SNTG1: variants seen among roughly 807,000 people sequenced by gnomAD.
SNTG1 encodes the protein syntrophin gamma 1.
In SNTG1, 39 loss-of-function variants were observed where a neutral mutation model predicts 74.7. The observed-to-expected ratio is 0.52, with a 90% CI of 0.40 to 0.68. The LOEUF is 0.68. Ranked by LOEUF, SNTG1 falls within the 30% of genes least tolerant of loss-of-function variation. The pLI, the probability that SNTG1 is intolerant of heterozygous loss-of-function variation, is 0.00. For missense variants in SNTG1, 685 were observed against 609.5 expected (o/e 1.12, Z -1.30); for synonymous variants, 254 against 217.1 (o/e 1.17, Z -1.49).
At chr8:50,100,724 CTA>C (rs1378291798) in intron 1 of SNTG1, among the ~76,000 whole-genome samples, 6 of 152,016 alleles carry the variant, frequency 3.9e-5, no homozygotes, top group African/African-American at 9.7e-5. Context: ...TATGCATTTT[CTA>C]TGTCATATTT....
chr8:50,633,802 C>T (rs2095020563), intron 13 of SNTG1, among the ~76,000 whole-genome samples: 1 of 152,102 alleles, frequency 6.6e-6, no homozygotes, highest in Admixed American at 6.6e-5. Context: ...AGTATTTAAT[C>T]AATGGGATTT....
At chr8:50,373,133 C>A (rs2092306236) in intron 2 of SNTG1, among the ~76,000 whole-genome samples, 2 of 152,174 alleles carry the variant, frequency 1.3e-5, no homozygotes, top group African/African-American at 4.8e-5. Context: ...GTGTTAATTA[C>A]AAATCATTCC....
At chr8:50,447,067 C>A (rs2093414516) in intron 5 of SNTG1, among the ~76,000 whole-genome samples, 1 of 151,960 alleles carries the variant, frequency 6.6e-6, no homozygotes, top group East Asian at 1.9e-4. Flanking sequence ...TTGTACTGTA[C>A]CCTGGATAAC....
At chr8:49,910,165 A>G (rs1805509875), upstream of SNTG1, among the ~76,000 whole-genome samples, 1 of 152,172 alleles carries the variant, frequency 6.6e-6, no homozygotes, top group Non-Finnish European at 1.5e-5. Context: ...CACAACGTCT[A>G]GGACTTCCCT....
intron 4 of SNTG1, among the ~76,000 whole-genome samples, chr8:50,402,695 G>A (rs181949252): frequency 6.6e-6 from 1 of 152,256 alleles, no homozygotes; most frequent in Admixed American, 6.5e-5. Flanking sequence ...TTCATGACCT[G>A]GGACTACTGA....
At chr8:50,780,930 C>T (rs993634356) in intron 18 of SNTG1, among the ~76,000 whole-genome samples, 1 of 152,142 alleles carries the variant, frequency 6.6e-6, no homozygotes, top group African/African-American at 2.4e-5. Context: ...TTTCAAAGAA[C>T]ATCTTTATTT....
chr8:50,118,342 T>C (rs1243437520), intron 1 of SNTG1, among the ~76,000 whole-genome samples: 1 of 152,166 alleles, frequency 6.6e-6, no homozygotes, highest in African/African-American at 2.4e-5. Flanking sequence ...ATTTTCAATA[T>C]TTTATTTCAA....
intron 1 of SNTG1, among the ~76,000 whole-genome samples, chr8:49,934,133 A>G (rs989585422): frequency 1.3e-5 from 2 of 152,158 alleles, no homozygotes; most frequent in Admixed American, 1.3e-4. Context: ...TATTCAAAAC[A>G]TAAACCTAAA....
chr8:50,021,242 C>T (rs2130673756), intron 1 of SNTG1, among the ~76,000 whole-genome samples: 1 of 152,256 alleles, frequency 6.6e-6, no homozygotes, highest in Admixed American at 6.5e-5. Flanking sequence ...CTATAATCTT[C>T]CAACATGACT....
At chr8:50,677,930 A>G (rs2095315505) in intron 15 of SNTG1, among the ~76,000 whole-genome samples, 1 of 151,892 alleles carries the variant, frequency 6.6e-6, no homozygotes, top group Non-Finnish European at 1.5e-5. Context: ...GTTCTTAATG[A>G]GAACACATGA....
intron 8 of SNTG1, 139 bp from the exon 9 acceptor site, chr8:50,502,639 C>G: frequency 3.1e-6 from 2 of 637,272 alleles, no homozygotes; most frequent in South Asian, 4.4e-5. Context: ...ATAATTAGCT[C>G]CCTCTATCTT....
At chr8:50,372,276 T>A (rs1563295329) in intron 2 of SNTG1, among the ~76,000 whole-genome samples, 1 of 151,962 alleles carries the variant, frequency 6.6e-6, no homozygotes, top group Non-Finnish European at 1.5e-5. Context: ...TTTATGCATC[T>A]TCTATAGTTA....
chr8:50,436,097 A>G (rs560265285), intron 4 of SNTG1, among the ~76,000 whole-genome samples: 1 of 152,292 alleles, frequency 6.6e-6, no homozygotes, highest in East Asian at 1.9e-4. Context: ...AATTTAGGGG[A>G]TGGCATTTGC....
At chr8:49,911,145 G>T (rs1805558213), upstream of SNTG1, 1 of 152,160 alleles carries the variant, frequency 6.6e-6, no homozygotes, top group Admixed American at 6.5e-5. Context: ...GAGGGTCTAA[G>T]AATCTTCACT....
At chr8:50,657,727 A>T (rs1045401308) in intron 14 of SNTG1, among the ~76,000 whole-genome samples, 1 of 152,066 alleles carries the variant, frequency 6.6e-6, no homozygotes, top group African/African-American at 2.4e-5. Flanking sequence ...TTGCTTATTT[A>T]TGTTGTACAG....
chr8:50,385,844 C>A (rs1264218274), intron 2 of SNTG1, among the ~76,000 whole-genome samples: 8 of 152,186 alleles, frequency 5.3e-5, no homozygotes, highest in Non-Finnish European at 1.2e-4. Context: ...ATTAGAGTCA[C>A]CACCTGGCTA....
At chr8:50,323,685 T>A (rs559172393) in intron 2 of SNTG1, among the ~76,000 whole-genome samples, 29 of 152,240 alleles carry the variant, frequency 1.9e-4, no homozygotes, top group African/African-American at 6.7e-4. Flanking sequence ...ACTAGGGATG[T>A]GGTGATGCAA....
intron 12 of SNTG1, among the ~76,000 whole-genome samples, chr8:50,567,764 GT>G (rs2094524189): frequency 6.6e-6 from 1 of 152,142 alleles, no homozygotes; most frequent in African/African-American, 2.4e-5. Context: ...ACATTGTGAT[GT>G]GCCAATTCAT....
chr8:50,206,712 A>T (rs1163529819), intron 2 of SNTG1, among the ~76,000 whole-genome samples: 1 of 152,170 alleles, frequency 6.6e-6, no homozygotes, highest in African/African-American at 2.4e-5. Context: ...TTTGTCATAA[A>T]TAGCTCTTAT....
Sources: allele counts gnomAD v4.1 joint callset (sites outside exome capture counted in the v4.1 genomes callset), GRCh38; gene constraint gnomAD v4.1.1; transcripts MANE v1.5; gene names NCBI Gene and HGNC (gene_info 2026-07-23, HGNC 2026-07-21).